TTC28: variants seen among roughly 807,000 people sequenced by gnomAD.
TTC28 encodes tetratricopeptide repeat domain 28.
Under a neutral mutation model 198.0 loss-of-function variants are expected in TTC28, and 61 were observed. That is an observed-to-expected ratio of 0.31 (90% CI 0.25 to 0.38). TTC28 has a LOEUF of 0.38. TTC28 is among the 10% of genes least tolerant of loss of function. The probability of loss-of-function intolerance (pLI) is 1.00; values close to 1 mark genes in which losing one functional copy is unlikely to be tolerated. For missense variants in TTC28, 2,678 were observed against 3,164.0 expected, an observed-to-expected ratio of 0.85 and a Z score of 3.69; for synonymous variants, 1,171 against 1,297.8, an observed-to-expected ratio of 0.90 and a Z score of 2.10.
chr22:28,317,276 C>T (rs900902390), intron 2 of TTC28, among the ~76,000 whole-genome samples: 1 of 151,996 alleles, frequency 6.6e-6, no homozygotes, highest in Non-Finnish European at 1.5e-5. Context: ...TGATTGATTT[C>T]CTTGTGAGTT....
intron 12 of TTC28, among the ~76,000 whole-genome samples, chr22:28,049,383 G>A (rs1056013503): frequency 6.6e-6 from 1 of 152,202 alleles, no homozygotes; most frequent in Non-Finnish European, 1.5e-5. Flanking sequence ...ACTGTAAAAT[G>A]CCTTTCTTCC....
Position 27,983,210 on chromosome 22 carries a change from TTTC to T in TTC28, c.6454_6456del (p.Glu2152del), listed in dbSNP as rs1937085111. 4.5e-6 allele frequency: 7 copies of T among 1,551,870 alleles called. No individual in the cohort carries two copies. Among genetic ancestry groups the T allele is most frequent in the Non-Finnish European group, 5.2e-6 (6 of 1,147,024 alleles). ...TCTTGTGGATCCAGTTTTGGGTTGC[TTTC>T]TTCTTGGGATTTCACGGTACTGTCC... is the stretch of plus-strand genomic sequence containing the variant. On this transcript the variant is annotated inframe_deletion, in exon 23 of 23. Coordinates refer to ENST00000397906, the MANE Select transcript of TTC28 (RefSeq NM_001145418.2).
At chr22:28,171,532 TA>T (rs1246012265) in intron 5 of TTC28, among the ~76,000 whole-genome samples, 1 of 151,538 alleles carries the variant, frequency 6.6e-6, no homozygotes, top group Non-Finnish European at 1.5e-5. Context: ...AGTGATTTTC[TA>T]CCCTATTTTC....
chr22:28,660,659 T>C (rs2051728304), intron 1 of TTC28, among the ~76,000 whole-genome samples: 1 of 151,416 alleles, frequency 6.6e-6, no homozygotes, highest in African/African-American at 2.4e-5. Flanking sequence ...GAGTAGCTGA[T>C]ACTACAGGCA....
chr22:28,579,635 T>C (rs1167557013), intron 2 of TTC28, among the ~76,000 whole-genome samples: 2 of 151,606 alleles, frequency 1.3e-5, no homozygotes, highest in African/African-American at 4.8e-5. Context: ...AATGTGTGTG[T>C]GTGTGTGTGT....
In TTC28 at chr22:27,999,181, G is replaced by A. The variant is rs991597772; in HGVS notation, c.4478C>T (p.Ser1493Leu). 14 of 1,550,736 alleles carry A rather than the reference G, an allele frequency of 9.0e-6. No homozygotes were observed. Among genetic ancestry groups the A allele is most frequent in the East Asian group, 4.9e-5 (2 of 40,932 alleles). The change falls in exon 16 of 23, where the codon TCG (serine) becomes TTG (leucine). Residue 1493 changes from serine (S) to leucine (L), a missense_variant. Transcript: ENST00000397906. ...CCACAGCCACCTGTCCATCACGGCC[G>A]ATGGTAGCTTGGGGTTGCCGATGAC... ...AAVIGNPKLP[S>L]AVMDRWLWGP...
chr22:28,675,120 G>A (rs1237767265), intron 1 of TTC28, among the ~76,000 whole-genome samples: 1 of 152,094 alleles, frequency 6.6e-6, no homozygotes, highest in Non-Finnish European at 1.5e-5. Flanking sequence ...AAAAAGATGT[G>A]AAGACCATCA....
intron 2 of TTC28, among the ~76,000 whole-genome samples, chr22:28,330,801 A>C (rs1332188033): frequency 6.6e-6 from 1 of 152,204 alleles, no homozygotes; most frequent in African/African-American, 2.4e-5. Flanking sequence ...TTGGGGAAAT[A>C]TATAAATGCT....
At chr22:28,117,578 T>C (rs992339025) in intron 6 of TTC28, among the ~76,000 whole-genome samples, 1 of 151,904 alleles carries the variant, frequency 6.6e-6, no homozygotes, top group African/African-American at 2.4e-5. Flanking sequence ...CAAATTACCT[T>C]GGACCTACAC....
At chr22:28,456,310 A>C (rs1415018078) in intron 2 of TTC28, among the ~76,000 whole-genome samples, 1 of 152,168 alleles carries the variant, frequency 6.6e-6, no homozygotes, top group African/African-American at 2.4e-5. Context: ...ATTAGTGGTC[A>C]CTGGGGGATG....
intron 5 of TTC28, among the ~76,000 whole-genome samples, chr22:28,244,266 G>A (rs1929914253): frequency 6.6e-6 from 1 of 152,074 alleles, no homozygotes; most frequent in South Asian, 2.1e-4. Context: ...GAGGGAAAAG[G>A]CAAAGACTAG....
At chr22:28,452,389 CAAAAAAA>C (rs71194768) in intron 2 of TTC28, among the ~76,000 whole-genome samples, 3 of 43,224 alleles carry the variant, frequency 6.9e-5, no homozygotes, top group Non-Finnish European at 1.2e-4. Context: ...GATTCCATCT[CAAAAAAA>C]AAAAAAAAAA....
chr22:28,110,950 AAAGTT>A (rs1416358502), intron 6 of TTC28, among the ~76,000 whole-genome samples: 1 of 151,998 alleles, frequency 6.6e-6, no homozygotes, highest in African/African-American at 2.4e-5. Context: ...AAAAAAAAAA[AAAGTT>A]AAGTTTATTG....
In TTC28 at chr22:28,243,174, C is replaced by CAAAAAA. The variant is rs754700795; in HGVS notation, c.933+53018_933+53023dup. The stretch of plus-strand genomic sequence containing the variant: ...GCAACCTGGCAAAACCCCCTCTCTA[C>CAAAAAA]AAAAAAAAAAAAAAAAAAAAAAAAA... On this transcript the variant is annotated intron_variant, in intron 5 of 22. Coordinates refer to ENST00000397906, the MANE Select transcript of TTC28 (RefSeq NM_001145418.2). Among the ~76,000 whole-genome samples the CAAAAAA allele has an allele frequency of 4.0e-3, 270 of 68,324 alleles. 42 individuals carry two copies. The highest frequency in any genetic ancestry group is 5.4e-3 in the African/African-American group (83 of 15,408). The allele number at this position is 68,324 out of a possible 152,430, so 44.8% of individuals were successfully genotyped here.
intron 12 of TTC28, among the ~76,000 whole-genome samples, chr22:28,071,248 C>T (rs1489731143): frequency 6.6e-6 from 1 of 152,024 alleles, no homozygotes; most frequent in African/African-American, 2.4e-5. Context: ...ACCCAAATGA[C>T]TATAAATCAT....
intron 10 of TTC28, among the ~76,000 whole-genome samples, chr22:28,097,707 C>T (rs942372059): frequency 2.6e-5 from 4 of 152,222 alleles, no homozygotes; most frequent in Non-Finnish European, 5.9e-5. Flanking sequence ...AGACCAGATG[C>T]TGCAGCTGTG....
chr22:28,241,552 A>G (rs1439843109), intron 5 of TTC28, among the ~76,000 whole-genome samples: 1 of 152,138 alleles, frequency 6.6e-6, no homozygotes, highest in Non-Finnish European at 1.5e-5. Flanking sequence ...AAATTTAAGT[A>G]TTTCGGGGCA....
chr22:28,514,562 T>C (rs967035901), intron 2 of TTC28, among the ~76,000 whole-genome samples: 3 of 152,220 alleles, frequency 2.0e-5, no homozygotes, highest in African/African-American at 7.2e-5. Flanking sequence ...AGAGAAAACC[T>C]TACACGGAGT....
intron 2 of TTC28, among the ~76,000 whole-genome samples, chr22:28,519,463 G>T (rs1328505382): frequency 6.6e-6 from 1 of 152,180 alleles, no homozygotes; most frequent in Non-Finnish European, 1.5e-5. Context: ...CTACTTATAA[G>T]ATAAAACTGG....
Sources: allele counts gnomAD v4.1 joint callset (sites outside exome capture counted in the v4.1 genomes callset), GRCh38; gene constraint gnomAD v4.1.1; transcripts MANE v1.5; gene names NCBI Gene and HGNC (gene_info 2026-07-23, HGNC 2026-07-21).